The following PARP8 variants were observed in gnomAD, a reference collection of about 807,000 sequenced individuals.
PARP8 encodes poly(ADP-ribose) polymerase family member 8.
PARP8 carries 51 observed loss-of-function variants against 124.1 expected under a neutral mutation model. The observed-to-expected ratio is 0.41, with a 90% CI of 0.33 to 0.52. The LOEUF is 0.52. Among genes scored for constraint, PARP8 ranks in the 20% least tolerant of loss-of-function variants. The pLI is 0.21. For synonymous variants in PARP8, 391 were observed against 361.5 expected, an observed-to-expected ratio of 1.08 and a Z score of -0.93; for missense variants, 860 against 1,018.9, an observed-to-expected ratio of 0.84 and a Z score of 2.12.
chr5:50,737,961 C>T (rs2149528785), intron 2 of PARP8, among the ~76,000 whole-genome samples: 1 of 152,292 alleles, frequency 6.6e-6, no homozygotes, highest in Admixed American at 6.5e-5. Flanking sequence ...TTATACTTTA[C>T]ACAATCTTAT....
intron 14 of PARP8, among the ~76,000 whole-genome samples, chr5:50,810,060 A>T (rs1400472028): frequency 1.3e-5 from 2 of 152,032 alleles, no homozygotes; most frequent in Admixed American, 6.6e-5. Flanking sequence ...AACGTTAAAA[A>T]TGTTTTCATT....
At chr5:50,770,459 G>A (rs1409344873) in intron 7 of PARP8, among the ~76,000 whole-genome samples, 1 of 151,922 alleles carries the variant, frequency 6.6e-6, no homozygotes. Flanking sequence ...TGACCATTGG[G>A]CTGTGAGGTT....
intron 22 of PARP8, 42 bp from the exon 23 acceptor site, chr5:50,832,739 G>T: frequency 1.9e-6 from 3 of 1,594,006 alleles, no homozygotes; most frequent in Non-Finnish European, 2.6e-6. Flanking sequence ...AGCTGCATCA[G>T]ACAGCTTTGT....
rs1749329636 is a variant in PARP8 at position 50,666,829 on chromosome 5, G to A, written c.-267G>A. On this transcript the variant is annotated 5_prime_UTR_variant, in exon 1 of 26. Coordinates refer to ENST00000281631, the MANE Select transcript of PARP8 (RefSeq NM_024615.4). ...GTGTCATCACCATCCATTGTCAGAA[G>A]GGGAGGAAATTGGAATCCAGCAGCG... 1 of 1,304,238 alleles carries A rather than the reference G, an allele frequency of 7.7e-7. No individual in the cohort carries two copies. The highest frequency in any genetic ancestry group is 3.5e-5 in the East Asian group (1 of 28,734). The allele number at this position is 1,304,238 out of a possible 1,614,324, so 80.8% of individuals were successfully genotyped here.
intron 16 of PARP8, among the ~76,000 whole-genome samples, 188 bp from the exon 17 acceptor site, chr5:50,822,147 C>G (rs903606367): frequency 3.9e-5 from 6 of 152,094 alleles, no homozygotes; most frequent in Non-Finnish European, 8.8e-5. Context: ...TGTTTCTTTT[C>G]TCTGACTGAA....
At chr5:50,822,817 A>G (rs76036059) in intron 17 of PARP8, among the ~76,000 whole-genome samples, 2 of 152,224 alleles carry the variant, frequency 1.3e-5, no homozygotes, top group African/African-American at 4.8e-5. Flanking sequence ...GCAAAATCCC[A>G]AAACCACTTT....
At chr5:50,819,699 CCAAA>C (rs1381340893) in intron 15 of PARP8, among the ~76,000 whole-genome samples, 1 of 152,126 alleles carries the variant, frequency 6.6e-6, no homozygotes, top group Non-Finnish European at 1.5e-5. Flanking sequence ...CCTTGGCCTC[CCAAA>C]CAAAGTGCTA....
intron 3 of PARP8, among the ~76,000 whole-genome samples, chr5:50,750,851 T>A (rs1170352639): frequency 6.6e-6 from 1 of 152,156 alleles, no homozygotes; most frequent in African/African-American, 2.4e-5. Context: ...ATGCCTATTT[T>A]TAATAGTAAT....
At chr5:50,790,075 G>C (rs1260358886) in intron 10 of PARP8, among the ~76,000 whole-genome samples, 3 of 152,092 alleles carry the variant, frequency 2.0e-5, no homozygotes, top group Non-Finnish European at 4.4e-5. Flanking sequence ...ACTCAAATGT[G>C]AGTTGTGTGC....
At chr5:50,831,945 A>G (rs986545937) in intron 22 of PARP8, among the ~76,000 whole-genome samples, 1 of 152,152 alleles carries the variant, frequency 6.6e-6, no homozygotes, top group Non-Finnish European at 1.5e-5. Flanking sequence ...AGAGAACAGG[A>G]CAGCTTCTCT....
At chr5:50,731,881 G>T (rs1259819872) in intron 2 of PARP8, among the ~76,000 whole-genome samples, 1 of 152,146 alleles carries the variant, frequency 6.6e-6, no homozygotes, top group East Asian at 1.9e-4. Flanking sequence ...GAACAGACAT[G>T]AGATTATATA....
At chr5:50,722,710 C>G (rs1756023725) in intron 2 of PARP8, among the ~76,000 whole-genome samples, 2 of 152,052 alleles carry the variant, frequency 1.3e-5, no homozygotes, top group South Asian at 4.1e-4. Flanking sequence ...TTGTCTCTGA[C>G]AGACATTTTG....
chr5:50,677,723 T>C (rs1406594542), intron 2 of PARP8, among the ~76,000 whole-genome samples: 2 of 152,200 alleles, frequency 1.3e-5, no homozygotes, highest in Non-Finnish European at 2.9e-5. Context: ...ATGTCTTACA[T>C]GTACAGAATC....
intron 2 of PARP8, among the ~76,000 whole-genome samples, chr5:50,718,404 C>T (rs1580081163): frequency 6.6e-6 from 1 of 151,856 alleles, no homozygotes; most frequent in East Asian, 1.9e-4. Context: ...GCTTTTAAAA[C>T]CATGGAGAAA....
At chr5:50,717,609 G>C (rs1309103091) in intron 2 of PARP8, among the ~76,000 whole-genome samples, 3 of 151,820 alleles carry the variant, frequency 2.0e-5, no homozygotes, top group Admixed American at 1.3e-4. Flanking sequence ...AAAGGTTCCA[G>C]GACTGAACCC....
At chr5:50,834,197 T>A (rs913394870) in intron 24 of PARP8, 149 bp downstream of exon 24, 1 of 606,890 alleles carries the variant, frequency 1.6e-6, no homozygotes, top group Non-Finnish European at 2.8e-6. Flanking sequence ...CAAAAACGGG[T>A]ACCGTAGAGA....
Position 50,834,975 on chromosome 5 carries a change from G to C in PARP8, c.2422G>C (p.Val808Leu). 1 of 1,613,462 alleles carries C rather than the reference G, an allele frequency of 6.2e-7. No individual in the cohort carries two copies. Among genetic ancestry groups the C allele is most frequent in the Non-Finnish European group, 8.5e-7 (1 of 1,179,688 alleles). The change falls in exon 25 of 26, where the codon GTC (valine) becomes CTC (leucine). Residue 808 changes from valine (V) to leucine (L), a missense_variant. By Grantham distance (32) the Val-to-Leu change is conservative (BLOSUM62 1). Around this residue, in one of 2 missense-constraint regions of PARP8, gnomAD observed 343 missense variants for 474.7 expected, o/e 0.72. Transcript: ENST00000281631. ...DLHKHGEIWVVPNTDHVCTRF... is the reference protein window; with the variant it reads ...DLHKHGEIWVLPNTDHVCTRF... ...GCACAAACATGGAGAGATATGGGTT[G>C]TCCCCAATACTGACCATGTCTGCAC...
intron 2 of PARP8, among the ~76,000 whole-genome samples, chr5:50,671,707 A>G (rs887409877): frequency 1.3e-5 from 2 of 152,162 alleles, no homozygotes; most frequent in African/African-American, 2.4e-5. Context: ...ACCCAAGAAT[A>G]TAACATTAAT....
chr5:50,826,527 G>A (rs1434385895), intron 18 of PARP8, among the ~76,000 whole-genome samples: 2 of 151,992 alleles, frequency 1.3e-5, no homozygotes, highest in African/African-American at 4.8e-5. Flanking sequence ...TAAGTTTTAG[G>A]GAACAACTTC....
Sources: gnomAD v4.1 joint callset for allele counts (sites outside exome capture counted in the v4.1 genomes callset) on GRCh38, gnomAD v4.1.1 for gene constraint, gnomAD v4.1.1 regional missense constraint, MANE v1.5 for transcripts, NCBI Gene and HGNC (gene_info 2026-07-23, HGNC 2026-07-21) for gene names.